Variants in LRMDA observed in about 807,000 individuals in gnomAD.
LRMDA encodes leucine-rich melanocyte differentiation-associated protein.
Under a neutral mutation model 29.8 loss-of-function variants are expected in LRMDA, and 18 were observed. The observed-to-expected ratio is 0.60, with a 90% CI of 0.42 to 0.90. LRMDA has a LOEUF of 0.90. Among genes scored for constraint, LRMDA ranks in the 40% least tolerant of loss-of-function variants. The pLI, the probability that LRMDA is intolerant of heterozygous loss-of-function variation, is 0.00. For synonymous variants in LRMDA, 125 were observed against 109.4 expected (o/e 1.14, Z -0.89); for missense variants, 273 against 273.9 (o/e 1.00, Z 0.02).
intron 2 of LRMDA, among the ~76,000 whole-genome samples, chr10:76,021,983 A>C (rs1373303515): frequency 1.3e-5 from 2 of 152,246 alleles, no homozygotes; most frequent in African/African-American, 4.8e-5. Flanking sequence ...ATATTATGGA[A>C]GGTGACCATT....
intron 5 of LRMDA, among the ~76,000 whole-genome samples, chr10:76,153,203 A>G (rs11818342): frequency 0.12 from 18,818 of 152,178 alleles, 1,304 homozygotes; most frequent in East Asian, 0.24. Context: ...AGTTCTTTAT[A>G]TATTCTGGAT....
intron 5 of LRMDA, among the ~76,000 whole-genome samples, chr10:76,191,880 AC>A (rs1851253578): frequency 6.6e-6 from 1 of 152,228 alleles, no homozygotes; most frequent in African/African-American, 2.4e-5. Context: ...CCTGATCATG[AC>A]AAAGGTTCCA....
chr10:76,537,169 G>A (rs569233259), intron 6 of LRMDA, among the ~76,000 whole-genome samples: 3 of 152,190 alleles, frequency 2.0e-5, no homozygotes, highest in Admixed American at 2.0e-4. Flanking sequence ...CCTGCTTTCT[G>A]GCACAACAAA....
intron 5 of LRMDA, chr10:76,260,869 T>C (rs960215486): frequency 1.3e-5 from 2 of 152,178 alleles, no homozygotes; most frequent in African/African-American, 4.8e-5. Flanking sequence ...TCTGTATCAT[T>C]ATAATTTGAG....
intron 2 of LRMDA, among the ~76,000 whole-genome samples, chr10:75,568,483 A>T (rs1012651350): frequency 1.2e-4 from 18 of 152,216 alleles, no homozygotes; most frequent in African/African-American, 4.1e-4. Context: ...ACATATACTT[A>T]TTCTCCTAGT....
At chr10:76,228,236 G>A (rs958200143) in intron 5 of LRMDA, among the ~76,000 whole-genome samples, 1 of 151,964 alleles carries the variant, frequency 6.6e-6, no homozygotes, top group Non-Finnish European at 1.5e-5. Context: ...TGGCCAGGAT[G>A]GTCTCCATCT....
At position 76,015,532 on chromosome 10, in the gene LRMDA, A is replaced by G. The variant is rs80082092; in HGVS notation, c.132-20476A>G. On this transcript the variant is annotated intron_variant, in intron 2 of 6. Transcript: ENST00000611255. ...AGAAGGAGAGGCCCAGAAAGACAGA[A>G]GTCAGTGTTTTTGTAATCTTATCTT... 6.6e-3 allele frequency among the ~76,000 whole-genome samples: 1,011 copies of G among 152,330 alleles called. 16 individuals are homozygous for G. Among genetic ancestry groups the G allele is most frequent in the African/African-American group, 0.023 (973 of 41,572 alleles).
intron 5 of LRMDA, among the ~76,000 whole-genome samples, chr10:76,300,455 C>A (rs528344674): frequency 2.6e-5 from 4 of 152,270 alleles, no homozygotes; most frequent in Admixed American, 6.5e-5. Flanking sequence ...CCTGGGCAAG[C>A]CATCAATGCC....
chr10:76,169,904 G>C (rs1850804469), intron 5 of LRMDA, among the ~76,000 whole-genome samples: 2 of 152,172 alleles, frequency 1.3e-5, no homozygotes, highest in Admixed American at 6.5e-5. Context: ...TGCATTCTAA[G>C]AGGTTTACCT....
At chr10:76,358,772 G>A (rs1261471354) in intron 6 of LRMDA, among the ~76,000 whole-genome samples, 1 of 152,210 alleles carries the variant, frequency 6.6e-6, no homozygotes, top group African/African-American at 2.4e-5. Flanking sequence ...CAGGCATCTA[G>A]AGCAGAGAGC....
At chr10:75,607,360 CAT>C (rs1274106279) in intron 2 of LRMDA, among the ~76,000 whole-genome samples, 1 of 152,206 alleles carries the variant, frequency 6.6e-6, no homozygotes, top group African/African-American at 2.4e-5. Flanking sequence ...AATTGACCTA[CAT>C]GATATTTTCC....
chr10:76,420,957 G>A (rs899036365), intron 6 of LRMDA, among the ~76,000 whole-genome samples: 4 of 152,120 alleles, frequency 2.6e-5, no homozygotes, highest in Admixed American at 6.5e-5. Flanking sequence ...TTGGGTGAAT[G>A]TTCTCTGTTG....
intron 2 of LRMDA, among the ~76,000 whole-genome samples, chr10:75,779,534 A>G (rs1188387561): frequency 1.3e-5 from 2 of 152,180 alleles, no homozygotes; most frequent in Non-Finnish European, 1.5e-5. Flanking sequence ...CTGGGCCCAT[A>G]AACAGTACTG....
chr10:75,816,916 G>A (rs1844071108), intron 2 of LRMDA, among the ~76,000 whole-genome samples: 1 of 152,084 alleles, frequency 6.6e-6, no homozygotes, highest in Non-Finnish European at 1.5e-5. Flanking sequence ...AGGTTCAAGG[G>A]CAAACATGGC....
At chr10:76,054,427 G>A (rs1057122802) in intron 4 of LRMDA, among the ~76,000 whole-genome samples, 1 of 151,972 alleles carries the variant, frequency 6.6e-6, no homozygotes, top group Admixed American at 6.6e-5. Flanking sequence ...TAGCTTAAAA[G>A]CCAGCACCTC....
chr10:76,110,837 A>G (rs1358834859), intron 5 of LRMDA, among the ~76,000 whole-genome samples: 2 of 152,160 alleles, frequency 1.3e-5, no homozygotes, highest in African/African-American at 4.8e-5. Context: ...TATCAGCAGC[A>G]TCAAAATGGA....
intron 4 of LRMDA, among the ~76,000 whole-genome samples, chr10:76,056,768 AG>A (rs938234878): frequency 1.3e-5 from 2 of 152,084 alleles, no homozygotes; most frequent in African/African-American, 4.8e-5. Flanking sequence ...CTTCCAGTGG[AG>A]GGGGGCTTCC....
At chr10:76,422,387 G>A (rs1367450475) in intron 6 of LRMDA, among the ~76,000 whole-genome samples, 1 of 151,896 alleles carries the variant, frequency 6.6e-6, no homozygotes, top group Non-Finnish European at 1.5e-5. Flanking sequence ...TTTCTCAGTG[G>A]GAGCATTGGT....
At chr10:75,484,754 CTG>C (rs964659273) in intron 2 of LRMDA, among the ~76,000 whole-genome samples, 4 of 152,272 alleles carry the variant, frequency 2.6e-5, no homozygotes, top group Admixed American at 2.0e-4. Flanking sequence ...AGAGAAGAGG[CTG>C]TGTGAGACAC....
Sources: allele counts gnomAD v4.1 joint callset (sites outside exome capture counted in the v4.1 genomes callset), GRCh38; gene constraint gnomAD v4.1.1; transcripts MANE v1.5; gene names NCBI Gene and HGNC (gene_info 2026-07-23, HGNC 2026-07-21).